The following SVOP variants were observed in gnomAD, a reference collection of about 807,000 sequenced individuals.
The protein encoded by SVOP is synaptic vesicle 2-related protein.
Under a neutral mutation model 69.1 loss-of-function variants are expected in SVOP, and 17 were observed. The observed-to-expected ratio is 0.25, with a 90% CI of 0.17 to 0.37. SVOP has a LOEUF of 0.37. Ranked by LOEUF, SVOP falls within the 10% of genes least tolerant of loss-of-function variation. The probability of loss-of-function intolerance (pLI) is 1.00; values close to 1 mark genes in which losing one functional copy is unlikely to be tolerated. For synonymous variants in SVOP, 238 were observed against 238.6 expected (o/e 1.00, Z 0.02); for missense variants, 435 against 597.5 (o/e 0.73, Z 2.84).
chr12:108,987,935 A>T (rs916995885), intron 1 of SVOP, among the ~76,000 whole-genome samples: 7 of 128,364 alleles, frequency 5.5e-5, no homozygotes, highest in African/African-American at 1.1e-4. Flanking sequence ...GAAAAAAAAA[A>T]TTTTAATACA....
chr12:108,967,282 C>T (rs1454026279), intron 5 of SVOP, among the ~76,000 whole-genome samples: 5 of 151,852 alleles, frequency 3.3e-5, no homozygotes, highest in Admixed American at 6.6e-5. Context: ...GGGCAGATCA[C>T]GAGGTCAGGA....
intron 5 of SVOP, among the ~76,000 whole-genome samples, chr12:108,961,994 A>G (rs2040020926): frequency 6.6e-6 from 1 of 152,250 alleles, no homozygotes; most frequent in South Asian, 2.1e-4. Context: ...AAAACATAAT[A>G]TAAAGGCAGT....
At chr12:108,918,886 C>T (rs1029310632) in intron 13 of SVOP, among the ~76,000 whole-genome samples, 2 of 152,126 alleles carry the variant, frequency 1.3e-5, no homozygotes, top group Non-Finnish European at 2.9e-5. Context: ...GACTACAACC[C>T]CCATCAGAGA....
Position 108,911,745 on chromosome 12 carries a change from T to A in SVOP, c.*790A>T, listed in dbSNP as rs10778660. ...ACCAAGGAGGGGGCCAGGAAAGAAG[T>A]CGGAACCGTGGCCTTCGCTGCTTCA... On this transcript the variant is annotated 3_prime_UTR_variant, in exon 16 of 16. Coordinates refer to ENST00000610966, the MANE Select transcript of SVOP (RefSeq NM_018711.5). 1 of 152,192 alleles carries A rather than the reference T, an allele frequency of 6.6e-6. No homozygotes were observed. Among genetic ancestry groups the A allele is most frequent in the South Asian group, 2.1e-4 (1 of 4,830 alleles). The allele number at this position is 152,192 out of a possible 1,614,324, so 9.4% of individuals were successfully genotyped here. A position where few individuals can be genotyped will look rare whatever the true frequency, so the allele number is the denominator to read the frequency against.
chr12:108,918,130 A>G lies in SVOP; in HGVS notation c.1269-6T>C. ...GTAACAGAGTGAGCACATTTCTAGG[A>G]GGAGGATAAAGGCAGATGATGGCAT... On this transcript the variant is annotated splice_polypyrimidine_tract_variant and splice_region_variant and intron_variant, in intron 13 of 15. Coordinates refer to ENST00000610966, the MANE Select transcript of SVOP (RefSeq NM_018711.5). 6.4e-7 allele frequency: 1 copy of G among 1,555,526 alleles called. No homozygotes were observed. The highest frequency in any genetic ancestry group is 1.2e-5 in the South Asian group (1 of 83,398).
intron 5 of SVOP, among the ~76,000 whole-genome samples, chr12:108,970,471 C>T (rs2040072723): frequency 6.6e-6 from 1 of 152,170 alleles, no homozygotes; most frequent in African/African-American, 2.4e-5. Context: ...TTATTTTCAG[C>T]CCATGATTTG....
chr12:108,960,763 A>G (rs1046427676), intron 6 of SVOP, among the ~76,000 whole-genome samples, 160 bp downstream of exon 6: 4 of 151,950 alleles, frequency 2.6e-5, no homozygotes, highest in African/African-American at 7.3e-5. Context: ...TAATGATGCT[A>G]TTTTCTTGCT....
At chr12:109,019,082 G>A (rs1265994213) in intron 1 of SVOP, among the ~76,000 whole-genome samples, 1 of 152,136 alleles carries the variant, frequency 6.6e-6, no homozygotes, top group Non-Finnish European at 1.5e-5. Flanking sequence ...GATAATATAT[G>A]TATTTATGCC....
chr12:109,018,342 G>C (rs1486709386), intron 1 of SVOP, among the ~76,000 whole-genome samples: 1 of 152,092 alleles, frequency 6.6e-6, no homozygotes, highest in African/African-American at 2.4e-5. Flanking sequence ...AACCACCCCA[G>C]AGCTGTGTGA....
At chr12:108,949,064 C>T (rs1279053336) in intron 6 of SVOP, among the ~76,000 whole-genome samples, 1 of 152,134 alleles carries the variant, frequency 6.6e-6, no homozygotes, top group Non-Finnish European at 1.5e-5. Context: ...GTTTTTATAA[C>T]AAACCTATAA....
chr12:108,977,758 C>G (rs919789586), intron 3 of SVOP, among the ~76,000 whole-genome samples: 3 of 150,268 alleles, frequency 2.0e-5, no homozygotes, highest in Non-Finnish European at 4.4e-5. Context: ...GGGCATATCA[C>G]AAACAAAGTG....
intron 1 of SVOP, among the ~76,000 whole-genome samples, chr12:109,013,850 C>T (rs369489118): frequency 6.6e-6 from 1 of 152,088 alleles, no homozygotes; most frequent in African/African-American, 2.4e-5. Flanking sequence ...CCTCTCCCCC[C>T]ACCACCGAGT....
chr12:108,923,476 G>C (rs2039762338), intron 11 of SVOP, among the ~76,000 whole-genome samples: 1 of 152,176 alleles, frequency 6.6e-6, no homozygotes, highest in South Asian at 2.1e-4. Context: ...CAACATAGGT[G>C]GGGTGGTGGG....
chr12:108,977,371 A>G (rs1024814404), intron 4 of SVOP, 27 bp downstream of exon 4: 37 of 1,536,286 alleles, frequency 2.4e-5, no homozygotes, highest in Non-Finnish European at 3.0e-5. Context: ...ACTGTATGCA[A>G]CAGAAGGGAG....
At chr12:108,919,631 T>C in intron 13 of SVOP, 44 bp downstream of exon 13, 1 of 1,502,978 alleles carries the variant, frequency 6.7e-7, no homozygotes. Context: ...CACCCACACC[T>C]CCACCTGTGC....
At chr12:108,921,284 G>A (rs1181616042) in intron 12 of SVOP, among the ~76,000 whole-genome samples, 1 of 152,140 alleles carries the variant, frequency 6.6e-6, no homozygotes, top group Non-Finnish European at 1.5e-5. Flanking sequence ...TGTAGTATGG[G>A]ACTGAAGACT....
At chr12:108,992,671 G>A (rs898519759) in intron 1 of SVOP, among the ~76,000 whole-genome samples, 23 of 152,126 alleles carry the variant, frequency 1.5e-4, no homozygotes, top group African/African-American at 3.6e-4. Flanking sequence ...ATATGAGTCC[G>A]CTTAAATGAA....
intron 2 of SVOP, among the ~76,000 whole-genome samples, chr12:108,981,770 A>T (rs1270933379): frequency 6.6e-6 from 1 of 152,136 alleles, no homozygotes; most frequent in African/African-American, 2.4e-5. Context: ...CACATAATAA[A>T]TCCTCAGTCA....
intron 5 of SVOP, among the ~76,000 whole-genome samples, chr12:108,965,008 C>T (rs142325977): frequency 1.3e-5 from 2 of 152,294 alleles, no homozygotes; most frequent in Non-Finnish European, 2.9e-5. Flanking sequence ...TGAACACATG[C>T]TGTGTAGCCA....
Sources: allele counts gnomAD v4.1 joint callset (sites outside exome capture counted in the v4.1 genomes callset), GRCh38; gene constraint gnomAD v4.1.1; transcripts MANE v1.5; gene names NCBI Gene and HGNC (gene_info 2026-07-23, HGNC 2026-07-21).